TMEM127: variants seen among roughly 807,000 people sequenced by gnomAD.
TMEM127 encodes the protein transmembrane protein 127.
TMEM127 carries 21 observed loss-of-function variants against 20.1 expected under a neutral mutation model. That is an observed-to-expected ratio of 1.04 (90% CI 0.74 to 1.50). The LOEUF is 1.50. Ranked by LOEUF, TMEM127 falls within the 40% of genes most tolerant of loss-of-function variation. The pLI is 0.00. For missense variants in TMEM127, 303 were observed against 317.4 expected, an observed-to-expected ratio of 0.95 and a Z score of 0.34; for synonymous variants, 150 against 144.7, an observed-to-expected ratio of 1.04 and a Z score of -0.26.
chr2:96,261,852 T>G (rs186849549), intron 2 of TMEM127, among the ~76,000 whole-genome samples: 1 of 152,220 alleles, frequency 6.6e-6, no homozygotes, highest in East Asian at 1.9e-4. Context: ...TAGCATAATG[T>G]CAAAATGTGG....
chr2:96,251,496 C>T lies in TMEM127; in HGVS notation c.*2312G>A, dbSNP rs571526384. ...GATCATGCCACGTTACACTCCAGCC[C>T]GGGTGACAGAGCGAGACTCTTGTCT... On this transcript the variant is annotated 3_prime_UTR_variant, in exon 4 of 4. Coordinates refer to ENST00000258439, the MANE Select transcript of TMEM127 (RefSeq NM_017849.4). The T allele has an allele frequency of 2.7e-5, 6 of 222,132 alleles. No homozygotes were observed. The highest frequency in any genetic ancestry group is 1.9e-4 in the South Asian group (1 of 5,402). 13.8% of individuals were successfully genotyped at this position (222,132 alleles called of 1,614,324 possible). A position where few individuals can be genotyped will look rare whatever the true frequency, so the allele number is the denominator to read the frequency against.
At chr2:96,255,229 T>C (rs1352561827) in intron 2 of TMEM127, among the ~76,000 whole-genome samples, 1 of 152,230 alleles carries the variant, frequency 6.6e-6, no homozygotes, top group Non-Finnish European at 1.5e-5. Flanking sequence ...CCAACAGGAC[T>C]AGCCTAAGTG....
intron 2 of TMEM127, among the ~76,000 whole-genome samples, chr2:96,262,191 G>A (rs1238597774): frequency 2.6e-5 from 4 of 151,894 alleles, no homozygotes; most frequent in Admixed American, 1.3e-4. Context: ...CCCGGGAGGC[G>A]GAGGTTGCAG....
chr2:96,262,905 C>T (rs1199817771), intron 2 of TMEM127, among the ~76,000 whole-genome samples: 2 of 152,186 alleles, frequency 1.3e-5, no homozygotes, highest in Admixed American at 6.5e-5. Context: ...TCTTGAACTC[C>T]TGACCTCAGG....
chr2:96,265,497 T>G lies in TMEM127; in HGVS notation c.-116A>C. On this transcript the variant is annotated 5_prime_UTR_variant, in exon 2 of 4. Coordinates refer to ENST00000258439, the MANE Select transcript of TMEM127 (RefSeq NM_017849.4). ...AGCAACGCTCCGGGTTCGCTGCAGG[T>G]GAAGCCGGGACTGGGCTGTCAGGGT... is the stretch of plus-strand genomic sequence containing the variant. 1 of 1,241,834 alleles carries G rather than the reference T, an allele frequency of 8.1e-7. No homozygotes were observed. The highest frequency in any genetic ancestry group is 1.0e-6 in the Non-Finnish European group (1 of 987,716). 76.9% of individuals were successfully genotyped at this position (1,241,834 alleles called of 1,614,324 possible).
At chr2:96,264,272 T>A (rs141638807) in intron 2 of TMEM127, among the ~76,000 whole-genome samples, 15 of 152,326 alleles carry the variant, frequency 9.8e-5, no homozygotes, top group African/African-American at 3.4e-4. Flanking sequence ...GTGCTTCTGA[T>A]AGGCGGTGCA....
chr2:96,265,169 C>T lies in TMEM127; in HGVS notation c.213G>A (p.Val71=), dbSNP rs777169152. The T allele has an allele frequency of 5.3e-5, 86 of 1,611,296 alleles. No homozygotes were observed. The highest frequency in any genetic ancestry group is 4.5e-4 in the South Asian group (41 of 90,694). ...CSRQELGVSD[V]LGYVHPDLLK... is the part of the protein sequence containing the mutation. ...GCAGGTCCGGGTGCACATAGCCCAA[C>T]ACGTCGGAGACCCCCAGCTCCTGGC... The change falls in exon 2 of 4, where the codon GTG becomes GTA. Residue 71 remains valine, a synonymous_variant. Coordinates refer to ENST00000258439, the MANE Select transcript of TMEM127 (RefSeq NM_017849.4).
intron 2 of TMEM127, among the ~76,000 whole-genome samples, chr2:96,257,473 C>A (rs541254937): frequency 6.6e-6 from 1 of 151,882 alleles, no homozygotes; most frequent in South Asian, 2.1e-4. Context: ...AAACAAAAAA[C>A]AAAACAAAAA....
intron 3 of TMEM127, among the ~76,000 whole-genome samples, chr2:96,254,350 G>A (rs1684157788): frequency 6.6e-6 from 1 of 152,176 alleles, no homozygotes; most frequent in South Asian, 2.1e-4. Flanking sequence ...AGCAAATAGG[G>A]TCATGCAGCT....
At chr2:96,257,632 G>C (rs1018912018) in intron 2 of TMEM127, among the ~76,000 whole-genome samples, 2 of 151,150 alleles carry the variant, frequency 1.3e-5, no homozygotes, top group African/African-American at 4.9e-5. Context: ...GTAGAAATGG[G>C]GTCGGGCATG....
Position 96,250,405 on chromosome 2 carries a change from A to T in TMEM127, c.*3403T>A, listed in dbSNP as rs922733322. On this transcript the variant is annotated 3_prime_UTR_variant, in exon 4 of 4. Transcript: ENST00000258439. The stretch of plus-strand genomic sequence containing the variant: ...GAACTGGCTCCCTTCTGGGCACAGG[A>T]CTTTTCCGAGCCGGCCGCCCACTTC... The T allele has an allele frequency of 8.6e-6, 2 of 232,652 alleles. No individual in the cohort carries two copies. Among genetic ancestry groups the T allele is most frequent in the Non-Finnish European group, 8.5e-6 (1 of 117,802 alleles). 14.4% of individuals were successfully genotyped at this position (232,652 alleles called of 1,614,324 possible). A position where few individuals can be genotyped will look rare whatever the true frequency, so the allele number is the denominator to read the frequency against.
rs1385880510 is a variant in TMEM127 at position 96,249,723 on chromosome 2, G to C, written c.*4085C>G. The C allele has an allele frequency of 4.3e-6, 1 of 233,078 alleles. No individual in the cohort carries two copies. Among genetic ancestry groups the C allele is most frequent in the Non-Finnish European group, 8.5e-6 (1 of 117,976 alleles). The allele number at this position is 233,078 out of a possible 1,614,324, so 14.4% of individuals were successfully genotyped here. A position where few individuals can be genotyped will look rare whatever the true frequency, so the allele number is the denominator to read the frequency against. On this transcript the variant is annotated 3_prime_UTR_variant, in exon 4 of 4. Transcript: ENST00000258439. The stretch of plus-strand genomic sequence containing the variant: ...ATTTGAAAACAGGGGCATGAAGTTT[G>C]TCAGTTCCCTTCTGTCTCCCCATAG...
chr2:96,253,853 A>G lies in TMEM127; in HGVS notation c.672T>C (p.Tyr224=), dbSNP rs201935270. The change falls in exon 4 of 4, where the codon TAT becomes TAC. Residue 224 remains tyrosine (Y), a synonymous_variant. Transcript: ENST00000258439. The surrounding 1 kb of genome is among the most constrained non-coding windows in gnomAD (Gnocchi z 4.3). ...MEENEPYPAE[Y]EVINQFQPPP... ...GTGGCTGGAACTGGTTGATGACCTC[A>G]TATTCCGCCGGGTAGGGCTCGTTCT... The G allele has an allele frequency of 8.6e-5, 138 of 1,613,678 alleles. No individual in the cohort carries two copies. The highest frequency in any genetic ancestry group is 1.1e-4 in the Non-Finnish European group (135 of 1,179,780).
Position 96,253,720 on chromosome 2 carries a change from G to T in TMEM127, c.*88C>A. ...AGATGGTCAGGATCCTACCAGTGAG[G>T]CCTGCTGGGGAAAGGAGCTCCTCTG... On this transcript the variant is annotated 3_prime_UTR_variant, in exon 4 of 4. Coordinates refer to ENST00000258439, the MANE Select transcript of TMEM127 (RefSeq NM_017849.4). This position sits in a 1 kb window ranked among gnomAD's most constrained non-coding sequence, Gnocchi z 4.3. The T allele has an allele frequency of 1.4e-6, 2 of 1,429,538 alleles. No homozygotes were observed. Among genetic ancestry groups the T allele is most frequent in the Non-Finnish European group, 1.9e-6 (2 of 1,052,070 alleles). The allele number at this position is 1,429,538 out of a possible 1,614,324, so 88.6% of individuals were successfully genotyped here.
intron 3 of TMEM127, among the ~76,000 whole-genome samples, chr2:96,254,456 G>A (rs1420492305): frequency 6.6e-6 from 1 of 152,232 alleles, no homozygotes; most frequent in Non-Finnish European, 1.5e-5. Context: ...CGGGTCTGTA[G>A]GGAAGCAGGA....
At chr2:96,265,752 A>C (rs750107262) in intron 1 of TMEM127, 117 bp downstream of exon 1, 27 of 219,980 alleles carry the variant, frequency 1.2e-4, no homozygotes, top group Non-Finnish European at 2.3e-4. Flanking sequence ...GAGGATGCCG[A>C]GGGGCGGAGG....
Position 96,253,071 on chromosome 2 carries a change from A to G in TMEM127, c.*737T>C, listed in dbSNP as rs890482652. The G allele has an allele frequency of 1.3e-5, 3 of 233,096 alleles. No individual in the cohort carries two copies. Among genetic ancestry groups the G allele is most frequent in the Non-Finnish European group, 2.5e-5 (3 of 117,960 alleles). The allele number at this position is 233,096 out of a possible 1,614,324, so 14.4% of individuals were successfully genotyped here. ...CATTTTTTTCCTTTTAAAACCACTC[A>G]TATTTAAAAGGTGAAGGGCTGGGAG... On this transcript the variant is annotated 3_prime_UTR_variant, in exon 4 of 4. Coordinates refer to ENST00000258439, the MANE Select transcript of TMEM127 (RefSeq NM_017849.4). The surrounding 1 kb of genome is among the most constrained non-coding windows in gnomAD (Gnocchi z 4.3).
Position 96,265,322 on chromosome 2 carries a change from G to A in TMEM127, c.60C>T (p.Gly20=), listed in dbSNP as rs768746694. ...PGGRRRRSPG[G]SALPKQPERS... ...GCTCCGGCTGCTTGGGCAGAGCGCT[G>A]CCTCCCGGGCTCCTCCGCCGGCGCC... The change falls in exon 2 of 4, where the codon GGC becomes GGT. Residue 20 remains glycine (G), a synonymous_variant. Transcript: ENST00000258439. 6 of 1,526,082 alleles carry A rather than the reference G, an allele frequency of 3.9e-6. No individual in the cohort carries two copies. In the South Asian group the frequency reaches 7.2e-5, roughly 18 times the overall value. 94.5% of individuals were successfully genotyped at this position (1,526,082 alleles called of 1,614,324 possible).
intron 2 of TMEM127, among the ~76,000 whole-genome samples, chr2:96,256,000 T>C (rs1684194469): frequency 6.6e-6 from 1 of 151,368 alleles, no homozygotes; most frequent in Non-Finnish European, 1.5e-5. Context: ...TGGCCAGGCA[T>C]GGTAGCTCAC....
Sources: allele counts gnomAD v4.1 joint callset (sites outside exome capture counted in the v4.1 genomes callset), GRCh38; gene constraint gnomAD v4.1.1; non-coding constraint Gnocchi (gnomAD v3.1); transcripts MANE v1.5; gene names NCBI Gene and HGNC (gene_info 2026-07-23, HGNC 2026-07-21).